GBF1: variants seen among roughly 807,000 people sequenced by gnomAD.
GBF1 encodes the protein Golgi-specific brefeldin A-resistance guanine nucleotide exchange factor 1.
GBF1 carries 114 observed loss-of-function variants against 210.5 expected under a neutral mutation model. The ratio of observed to expected loss-of-function variants is 0.54; its 90% confidence interval spans 0.47 to 0.63. The LOEUF (loss-of-function observed/expected upper bound fraction) is 0.63. Ranked by LOEUF, GBF1 falls within the 30% of genes least tolerant of loss-of-function variation. The pLI, the probability that GBF1 is intolerant of heterozygous loss-of-function variation, is 0.00. For missense variants in GBF1, 1,851 were observed against 2,357.7 expected (o/e 0.79, Z 4.45); for synonymous variants, 850 against 889.2 (o/e 0.96, Z 0.78).
At chr10:102,274,833 T>G (rs1360977082) in intron 3 of GBF1, among the ~76,000 whole-genome samples, 1 of 144,370 alleles carries the variant, frequency 6.9e-6, no homozygotes, top group Non-Finnish European at 1.5e-5. Flanking sequence ...TGCCTCAGCC[T>G]CCCAAGTAGC....
intron 3 of GBF1, among the ~76,000 whole-genome samples, chr10:102,281,558 T>A (rs2075482341): frequency 6.7e-6 from 1 of 149,184 alleles, no homozygotes; most frequent in Non-Finnish European, 1.5e-5. Context: ...ATAAATTATC[T>A]ATAAATTATA....
rs1341685943 is a variant in GBF1 at position 102,352,380 on chromosome 10, G to A, written c.524-78G>A. ...AATCCTTGGTAAACAAGGTTTGGAG[G>A]GGAGTCTGCTCTGAGAACCCTCTTG... On this transcript the variant is annotated intron_variant, in intron 6 of 39. Transcript: ENST00000369983. The A allele has an allele frequency of 5.2e-6, 5 of 955,880 alleles. No homozygotes were observed. In the East Asian group the frequency reaches 9.6e-5, roughly 18 times the overall value. The allele number at this position is 955,880 out of a possible 1,614,324, so 59.2% of individuals were successfully genotyped here.
intron 3 of GBF1, among the ~76,000 whole-genome samples, chr10:102,303,371 A>G (rs1166123819): frequency 6.6e-6 from 1 of 152,208 alleles, no homozygotes; most frequent in Non-Finnish European, 1.5e-5. Context: ...ACATTTGTTG[A>G]AAAGGCTATT....
rs752636135 is a variant in GBF1 at position 102,365,441 on chromosome 10, G to A, written c.2151G>A (p.Lys717=). The A allele has an allele frequency of 6.2e-7, 1 of 1,614,078 alleles. No individual in the cohort carries two copies. Among genetic ancestry groups the A allele is most frequent in the Non-Finnish European group, 8.5e-7 (1 of 1,179,944 alleles). The part of the protein sequence containing the change: ...GTEQFNQKPK[K]GIQFLQEKGL... ...AGCAGTTCAATCAGAAACCAAAGAA[G>A]GGGATTCAGTTTCTGCAAGAGAAAG... Residue 717 remains lysine, a synonymous_variant, in exon 18 of 40, where the codon AAG becomes AAA. Transcript: ENST00000369983.
At position 102,315,668 on chromosome 10, in the gene GBF1, G is replaced by A. The variant is rs117928257; in HGVS notation, c.164-28383G>A. Among the ~76,000 whole-genome samples, 1,181 of 152,176 alleles carry A rather than the reference G, an allele frequency of 7.8e-3. 10 individuals carry two copies. The highest frequency in any genetic ancestry group is 7.9e-3 in the Non-Finnish European group (540 of 68,000). ...TGTGCTCCTATGAAAATCTAATGTC[G>A]TCGCTAATCTGACAGGAGGCAGAGT... On this transcript the variant is annotated intron_variant, in intron 3 of 39. Coordinates refer to ENST00000369983, the MANE Select transcript of GBF1 (RefSeq NM_001377137.1).
chr10:102,359,098 T>C (rs1462544405), intron 10 of GBF1, 169 bp from the exon 11 acceptor site: 3 of 619,730 alleles, frequency 4.8e-6, no homozygotes, highest in Non-Finnish European at 8.6e-6. Context: ...TTCTGAGTCC[T>C]TCATCATACT....
intron 3 of GBF1, among the ~76,000 whole-genome samples, chr10:102,335,842 A>G (rs2057691328): frequency 6.6e-6 from 1 of 152,200 alleles, no homozygotes; most frequent in South Asian, 2.1e-4. Flanking sequence ...TCTTTCTCTG[A>G]TACCTTGGAG....
At chr10:102,332,106 C>T (rs1333281740) in intron 3 of GBF1, among the ~76,000 whole-genome samples, 9 of 151,914 alleles carry the variant, frequency 5.9e-5, no homozygotes, top group Admixed American at 2.0e-4. Context: ...GTGATCTACC[C>T]GCCTCCGCCT....
At chr10:102,267,299 G>C (rs2073957694) in intron 3 of GBF1, among the ~76,000 whole-genome samples, 1 of 152,206 alleles carries the variant, frequency 6.6e-6, no homozygotes, top group Non-Finnish European at 1.5e-5. Flanking sequence ...GAGGTCAGCA[G>C]TTCGAGACCA....
chr10:102,261,156 G>A (rs544312869), intron 3 of GBF1, among the ~76,000 whole-genome samples: 1 of 152,218 alleles, frequency 6.6e-6, no homozygotes, highest in South Asian at 2.1e-4. Context: ...GGCCTCTGTT[G>A]CCTGGTTTAG....
At chr10:102,269,070 T>C (rs956657441) in intron 3 of GBF1, among the ~76,000 whole-genome samples, 5 of 152,178 alleles carry the variant, frequency 3.3e-5, no homozygotes, top group East Asian at 3.8e-4. Flanking sequence ...CTAAAGAACT[T>C]AGATGGACAA....
At chr10:102,242,936 A>G (rs1037618003), upstream of GBF1, among the ~76,000 whole-genome samples, 3 of 151,064 alleles carry the variant, frequency 2.0e-5, no homozygotes, top group African/African-American at 7.3e-5. Flanking sequence ...CTCAAAAAAA[A>G]AAAAAAAAAA....
At position 102,376,295 on chromosome 10, in the gene GBF1, C is replaced by T. The variant is rs1471180401; in HGVS notation, c.3910C>T (p.Pro1304Ser). ...DAGAQSDSEL[P>S]SYHQNDVSLD... ...AGGGGCCCAGTCAGATAGTGAGCTC[C>T]CATCCTACCATCAGAATGACGTGAG... is the stretch of plus-strand genomic sequence containing the variant. The change falls in exon 31 of 40, where the codon CCA becomes TCA. Residue 1304 changes from proline to serine, a missense_variant. Around this residue, in one of 3 missense-constraint regions of GBF1, gnomAD observed 967 missense variants for 1,247.7 expected, o/e 0.78. Transcript: ENST00000369983. 6.2e-7 allele frequency: 1 copy of T among 1,614,040 alleles called. No individual in the cohort carries two copies. Among genetic ancestry groups the T allele is most frequent in the Non-Finnish European group, 8.5e-7 (1 of 1,179,946 alleles).
Position 102,379,774 on chromosome 10 carries a change from C to T in GBF1, c.4777-79C>T, listed in dbSNP as rs1427690383. On this transcript the variant is annotated intron_variant, in intron 35 of 39. Transcript: ENST00000369983. ...CATACCTTCCCTTCAGCTCTATGCC[C>T]ATCCAGTTCCTGGCTTCCTTGGGGC... 4 of 1,464,652 alleles carry T rather than the reference C, an allele frequency of 2.7e-6. No homozygotes were observed. In the South Asian group the frequency reaches 3.4e-5, roughly 13 times the overall value. 90.7% of individuals were successfully genotyped at this position (1,464,652 alleles called of 1,614,324 possible).
rs377025458 is a variant in GBF1, at chr10:102,380,881, G to A, written c.5173+195G>A. 6.6e-5 allele frequency among the ~76,000 whole-genome samples: 10 copies of A among 152,248 alleles called. No individual in the cohort carries two copies. In the East Asian group the frequency reaches 1.7e-3, roughly 26 times the overall value. On this transcript the variant is annotated intron_variant, in intron 38 of 39. Coordinates refer to ENST00000369983, the MANE Select transcript of GBF1 (RefSeq NM_001377137.1). ...AAATTAGCCAGGTGTGGCGGTGGGTGCCTGTAGTCCCAGCTACTCAGGAGG... is the reference window on the plus strand; with the variant it reads ...AAATTAGCCAGGTGTGGCGGTGGGTACCTGTAGTCCCAGCTACTCAGGAGG...
chr10:102,274,718 T>TTA (rs1174024353), intron 3 of GBF1, among the ~76,000 whole-genome samples: 3 of 135,138 alleles, frequency 2.2e-5, no homozygotes, highest in African/African-American at 5.8e-5. Context: ...TTTTTTTTTT[T>TTA]TTTTTTTTTT....
rs556186516 is a variant in GBF1 at position 102,361,707 on chromosome 10, G to C, written c.1492-11G>C. ...TCCCCACCCAAATGGCAATTACTGG[G>C]TTATTGCCAGATGTACATCAAAAAG... is the stretch of plus-strand genomic sequence containing the variant. On this transcript the variant is annotated splice_polypyrimidine_tract_variant and intron_variant, in intron 13 of 39. Coordinates refer to ENST00000369983, the MANE Select transcript of GBF1 (RefSeq NM_001377137.1). The C allele has an allele frequency of 1.9e-6, 3 of 1,549,694 alleles. No homozygotes were observed. In the East Asian group the frequency reaches 6.9e-5, roughly 36 times the overall value.
At chr10:102,231,436 G>T in the GBF1 span, 1 of 631,902 alleles carries the variant, frequency 1.6e-6, no homozygotes, top group East Asian at 2.7e-5. Flanking sequence ...AGGTTGGCGG[G>T]CAAGAGACCG....
the GBF1 span, chr10:102,230,976 G>C: frequency 3.0e-5 from 48 of 1,606,790 alleles, no homozygotes; most frequent in African/African-American, 4.9e-4. Context: ...ACGAGTAGCC[G>C]GGGTACACCT....
Sources: allele counts gnomAD v4.1 joint callset (sites outside exome capture counted in the v4.1 genomes callset), GRCh38; gene constraint gnomAD v4.1.1; regional missense constraint gnomAD v4.1.1; transcripts MANE v1.5; gene names NCBI Gene and HGNC (gene_info 2026-07-23, HGNC 2026-07-21).